HMCES: variants seen among roughly 807,000 people sequenced by gnomAD.
HMCES encodes 5-hydroxymethylcytosine binding, ES cell specific.
Under a neutral mutation model 35.1 loss-of-function variants are expected in HMCES, and 27 were observed. The ratio of observed to expected loss-of-function variants is 0.77; its 90% CI spans 0.57 to 1.06. The LOEUF is 1.06. HMCES is among the 50% of genes least tolerant of loss of function. The pLI, the probability that HMCES is intolerant of heterozygous loss-of-function variation, is 0.00. For synonymous variants in HMCES, 130 were observed against 154.7 expected (o/e 0.84, Z 1.18); for missense variants, 391 against 430.4 (o/e 0.91, Z 0.81).
In HMCES at chr3:129,279,840, T is replaced by A. The variant is rs772258036; in HGVS notation, c.108T>A (p.Asp36Glu). Residue 36 changes from aspartate (D) to glutamate (E), a missense_variant, in exon 2 of 7, where the codon GAT becomes GAA. Coordinates refer to ENST00000383463, the MANE Select transcript of HMCES (RefSeq NM_020187.3). The surrounding 1 kb of genome is among the most constrained non-coding windows in gnomAD (Gnocchi z 4.2). Reference sequence around the variant, plus strand: ...GGCTCCCGGAGTGGAGGGACCCTGATAAGTACTGCCCCTCTTACAACAAGA... The same window carrying A: ...GGCTCCCGGAGTGGAGGGACCCTGAAAAGTACTGCCCCTCTTACAACAAGA... ...QQRLPEWRDP[D>E]KYCPSYNKSP... 1 of 1,613,560 alleles carries A rather than the reference T, an allele frequency of 6.2e-7. No homozygotes were observed. Among genetic ancestry groups the A allele is most frequent in the East Asian group, 2.2e-5 (1 of 44,860 alleles).
chr3:129,291,599 T>G (rs1036113984), intron 4 of HMCES, among the ~76,000 whole-genome samples: 2 of 152,224 alleles, frequency 1.3e-5, no homozygotes, highest in Non-Finnish European at 1.5e-5. Context: ...TTTTGTTAAT[T>G]CATTCATCAG....
chr3:129,288,141 G>T (rs1940688873), intron 2 of HMCES, among the ~76,000 whole-genome samples: 1 of 152,120 alleles, frequency 6.6e-6, no homozygotes, highest in Non-Finnish European at 1.5e-5. Context: ...TGGACATGAT[G>T]GTGTGCACCT....
chr3:129,294,181 G>A (rs1314736465), intron 4 of HMCES, among the ~76,000 whole-genome samples: 1 of 152,088 alleles, frequency 6.6e-6, no homozygotes, highest in Non-Finnish European at 1.5e-5. Flanking sequence ...CACTTTGGGA[G>A]GCTAAGGCGG....
At chr3:129,296,981 G>A (rs1018798766) in intron 4 of HMCES, among the ~76,000 whole-genome samples, 17 of 152,146 alleles carry the variant, frequency 1.1e-4, no homozygotes, top group African/African-American at 2.6e-4. Context: ...CTCGTGATCC[G>A]CCTGCCTCGG....
intron 2 of HMCES, among the ~76,000 whole-genome samples, chr3:129,286,107 G>A (rs1285315124): frequency 6.6e-6 from 1 of 152,166 alleles, no homozygotes; most frequent in Admixed American, 6.6e-5. Flanking sequence ...GGCAAACTAC[G>A]GTCCTCAGAC....
At chr3:129,300,785 C>T (rs2071153415) in intron 5 of HMCES, among the ~76,000 whole-genome samples, 1 of 152,060 alleles carries the variant, frequency 6.6e-6, no homozygotes, top group Non-Finnish European at 1.5e-5. Context: ...AATCCCAGCA[C>T]TTTGGGAGGC....
chr3:129,285,234 T>A (rs1940603644), intron 2 of HMCES, among the ~76,000 whole-genome samples: 1 of 152,318 alleles, frequency 6.6e-6, no homozygotes, highest in Admixed American at 6.5e-5. Flanking sequence ...AATAGTCATC[T>A]TTTTATAGAC....
intron 2 of HMCES, among the ~76,000 whole-genome samples, chr3:129,287,251 C>G (rs1470661358): frequency 6.6e-6 from 1 of 150,904 alleles, no homozygotes; most frequent in East Asian, 1.9e-4. Context: ...GAGAGAAGGT[C>G]CTGCTCCGTG....
intron 4 of HMCES, among the ~76,000 whole-genome samples, chr3:129,293,988 T>C (rs1000251625): frequency 6.6e-6 from 1 of 152,222 alleles, no homozygotes; most frequent in Non-Finnish European, 1.5e-5. Flanking sequence ...GTGATTGGGT[T>C]AAAATCCATT....
At chr3:129,286,686 T>A (rs1940646720) in intron 2 of HMCES, among the ~76,000 whole-genome samples, 1 of 152,232 alleles carries the variant, frequency 6.6e-6, no homozygotes. Flanking sequence ...CCTTGCTTTT[T>A]TTCATCCAAA....
At position 129,279,331 on chromosome 3, in the gene HMCES, C is replaced by T. The variant is rs1021832965; in HGVS notation, c.-23-379C>T. 9.6e-6 allele frequency: 2 copies of T among 208,004 alleles called. No individual in the cohort carries two copies. Among genetic ancestry groups the T allele is most frequent in the South Asian group, 1.2e-4 (2 of 17,060 alleles). The allele number at this position is 208,004 out of a possible 1,614,324, so 12.9% of individuals were successfully genotyped here. On this transcript the variant is annotated intron_variant, in intron 1 of 6. Coordinates refer to ENST00000383463, the MANE Select transcript of HMCES (RefSeq NM_020187.3). The surrounding 1 kb of genome is among the most constrained non-coding windows in gnomAD (Gnocchi z 4.2). Reference sequence around the variant, plus strand: ...TTGCTGGCCGGCGTGGGTCGCTGACCCCAGCGGGGACTGGGGGGAAGGACG... The same window carrying T: ...TTGCTGGCCGGCGTGGGTCGCTGACTCCAGCGGGGACTGGGGGGAAGGACG...
Position 129,279,972 on chromosome 3 carries a change from A to G in HMCES, c.183+57A>G, listed in dbSNP as rs1940422849. 2 of 1,444,170 alleles carry G rather than the reference A, an allele frequency of 1.4e-6. No individual in the cohort carries two copies. Among genetic ancestry groups the G allele is most frequent in the Non-Finnish European group, 9.2e-7 (1 of 1,081,910 alleles). 89.5% of individuals were successfully genotyped at this position (1,444,170 alleles called of 1,614,324 possible). A position where few individuals can be genotyped will look rare whatever the true frequency, so the allele number is the denominator to read the frequency against. ...CCCAGCCTCGTGATGGTCATCTCCT[A>G]TTTGGTTTGGTGTGTGCTCAGCCTC... is the stretch of plus-strand genomic sequence containing the variant. On this transcript the variant is annotated intron_variant, in intron 2 of 6. Coordinates refer to ENST00000383463, the MANE Select transcript of HMCES (RefSeq NM_020187.3). The surrounding 1 kb of genome is among the most constrained non-coding windows in gnomAD (Gnocchi z 4.2).
intron 6 of HMCES, 125 bp downstream of exon 6, chr3:129,302,267 C>T (rs1332581335): frequency 1.3e-6 from 1 of 774,004 alleles, no homozygotes; most frequent in South Asian, 1.9e-5. Context: ...CTCTCATACT[C>T]CTTGTACACA....
intron 3 of HMCES, 32 bp from the exon 4 acceptor site, chr3:129,290,647 T>G: frequency 6.2e-7 from 1 of 1,604,646 alleles, no homozygotes; most frequent in Admixed American, 1.7e-5. Context: ...ATTGTATCAC[T>G]AAGACCATAT....
rs1940400508 is a variant in HMCES, at chr3:129,279,481, G to T, written c.-23-229G>T. 6.6e-6 allele frequency among the ~76,000 whole-genome samples: 1 copy of T among 152,230 alleles called. No homozygotes were observed. The highest frequency in any genetic ancestry group is 1.5e-5 in the Non-Finnish European group (1 of 68,030). On this transcript the variant is annotated intron_variant, in intron 1 of 6. Transcript: ENST00000383463. The surrounding 1 kb of genome is among the most constrained non-coding windows in gnomAD (Gnocchi z 4.2). ...CTGCGCTCAGGCAGGCATTTGCAGA[G>T]CTCCTCTCGGGACTTGCCTCAGTGC...
rs777675756 is a variant in HMCES, at chr3:129,304,846, AG to A, written c.*23del. ...AGTGACACAGGACTTTCAGAGACCA[AG>A]GCCAGGGTCTGCTGCACTGCTGTTC... On this transcript the variant is annotated 3_prime_UTR_variant, in exon 7 of 7. Coordinates refer to ENST00000383463, the MANE Select transcript of HMCES (RefSeq NM_020187.3). The A allele has an allele frequency of 6.4e-7, 1 of 1,569,672 alleles. No homozygotes were observed. Among genetic ancestry groups the A allele is most frequent in the Non-Finnish European group, 8.8e-7 (1 of 1,139,822 alleles).
At chr3:129,293,230 T>C (rs993238123) in intron 4 of HMCES, among the ~76,000 whole-genome samples, 2 of 152,166 alleles carry the variant, frequency 1.3e-5, no homozygotes, top group Admixed American at 6.6e-5. Flanking sequence ...TTTTTAACTC[T>C]TTGGGGCAGT....
intron 2 of HMCES, among the ~76,000 whole-genome samples, chr3:129,282,831 A>G (rs188924312): frequency 6.6e-6 from 1 of 152,344 alleles, no homozygotes; most frequent in East Asian, 1.9e-4. Context: ...TCAGAAGTCC[A>G]AAAGGGTAGA....
chr3:129,305,451 A>G lies in HMCES; in HGVS notation c.*626A>G, dbSNP rs1050851089. On this transcript the variant is annotated 3_prime_UTR_variant, in exon 7 of 7. Coordinates refer to ENST00000383463, the MANE Select transcript of HMCES (RefSeq NM_020187.3). The stretch of plus-strand genomic sequence containing the variant: ...AAGTCTTGGTGGTGGGCTCCTTATT[A>G]TGTTTCTTTTTCTTTCATTCTTGAT... The G allele has an allele frequency of 1.3e-5, 2 of 151,912 alleles. No homozygotes were observed. Among genetic ancestry groups the G allele is most frequent in the African/African-American group, 4.8e-5 (2 of 41,320 alleles). The allele number at this position is 151,912 out of a possible 1,614,324, so 9.4% of individuals were successfully genotyped here.
Sources: gnomAD v4.1 joint callset for allele counts (sites outside exome capture counted in the v4.1 genomes callset) on GRCh38, gnomAD v4.1.1 for gene constraint, Gnocchi (gnomAD v3.1) non-coding constraint, MANE v1.5 for transcripts, NCBI Gene and HGNC (gene_info 2026-07-23, HGNC 2026-07-21) for gene names.